SPAG16: variants seen among roughly 807,000 people sequenced by gnomAD.
SPAG16 encodes the protein sperm associated antigen 16.
A neutral mutation model predicts 80.4 loss-of-function variants in SPAG16; 86 were observed. That is an observed-to-expected ratio of 1.07 (90% confidence interval 0.90 to 1.28). The LOEUF is 1.28. Among genes scored for constraint, SPAG16 ranks in the 50% most tolerant of loss-of-function variants. The pLI is 0.00. For missense variants in SPAG16, 870 were observed against 765.3 expected (o/e 1.14, Z -1.61); for synonymous variants, 294 against 265.9 (o/e 1.11, Z -1.03).
chr2:213,335,263 A>G (rs2064296962), intron 5 of SPAG16, among the ~76,000 whole-genome samples: 2 of 152,200 alleles, frequency 1.3e-5, no homozygotes, highest in South Asian at 4.1e-4. Context: ...AACTTGAGAA[A>G]ATTACATCCC....
At chr2:214,138,900 T>C (rs990981393) in intron 14 of SPAG16, among the ~76,000 whole-genome samples, 1 of 152,060 alleles carries the variant, frequency 6.6e-6, no homozygotes, top group Non-Finnish European at 1.5e-5. Context: ...CCAGCTACAG[T>C]GTAGGAAATG....
At chr2:214,145,128 A>G (rs1436820868) in intron 14 of SPAG16, among the ~76,000 whole-genome samples, 3 of 152,058 alleles carry the variant, frequency 2.0e-5, no homozygotes, top group African/African-American at 7.2e-5. Context: ...ATTTATTTAA[A>G]TTATTAATGA....
intron 3 of SPAG16, among the ~76,000 whole-genome samples, chr2:213,309,771 C>G (rs2063106692): frequency 6.6e-6 from 1 of 152,086 alleles, no homozygotes; most frequent in African/African-American, 2.4e-5. Flanking sequence ...CCTCTACTTT[C>G]TCCCCACCCC....
At chr2:214,144,227 T>G (rs2055514549) in intron 14 of SPAG16, among the ~76,000 whole-genome samples, 1 of 152,178 alleles carries the variant, frequency 6.6e-6, no homozygotes, top group Admixed American at 6.6e-5. Context: ...GGCAATGATA[T>G]TTGAATAATA....
In SPAG16 at chr2:213,421,902, C is replaced by T. The variant is rs78298037; in HGVS notation, c.942+46783C>T. Among the ~76,000 whole-genome samples, 237 of 152,230 alleles carry T rather than the reference C, an allele frequency of 1.6e-3. 1 individual carries two copies. The highest frequency in any genetic ancestry group is 5.2e-3 in the African/African-American group (217 of 41,560). ...TCTCCTCTCTGTGGAGGGCTGGAAA[C>T]GCATTGGGCTGACGTGCCTGCAGAA... is the stretch of plus-strand genomic sequence containing the variant. On this transcript the variant is annotated intron_variant, in intron 9 of 15. Coordinates refer to ENST00000331683, the MANE Select transcript of SPAG16 (RefSeq NM_024532.5).
chr2:213,577,733 T>G (rs1261921986), intron 10 of SPAG16, among the ~76,000 whole-genome samples: 1 of 152,146 alleles, frequency 6.6e-6, no homozygotes, highest in African/African-American at 2.4e-5. Context: ...AAACAGTAAC[T>G]CATTCAAAGT....
chr2:213,818,529 T>C (rs187245388), intron 10 of SPAG16, among the ~76,000 whole-genome samples: 1 of 152,326 alleles, frequency 6.6e-6, no homozygotes, highest in Non-Finnish European at 1.5e-5. Flanking sequence ...CATGTATATA[T>C]GAATAAACTT....
At chr2:214,402,265 CAGT>C (rs1237142900) in intron 15 of SPAG16, among the ~76,000 whole-genome samples, 3 of 151,980 alleles carry the variant, frequency 2.0e-5, no homozygotes, top group Non-Finnish European at 4.4e-5. Flanking sequence ...GTGCCTCAAC[CAGT>C]ATCTTCTTCA....
chr2:213,910,901 T>G (rs1245749353), intron 11 of SPAG16, among the ~76,000 whole-genome samples: 1 of 152,184 alleles, frequency 6.6e-6, no homozygotes, highest in African/African-American at 2.4e-5. Flanking sequence ...ATGTAAATAT[T>G]AAATAAACTG....
At chr2:213,928,248 C>A (rs1233202742) in intron 11 of SPAG16, among the ~76,000 whole-genome samples, 1 of 140,632 alleles carries the variant, frequency 7.1e-6, no homozygotes, top group Non-Finnish European at 1.6e-5. Context: ...CCATGCCTGG[C>A]TAATTTTTTT....
chr2:214,402,038 T>G (rs532134522), intron 15 of SPAG16, among the ~76,000 whole-genome samples: 1 of 151,978 alleles, frequency 6.6e-6, no homozygotes, highest in Non-Finnish European at 1.5e-5. Context: ...ACCTGATAAC[T>G]GGTGGCTCAC....
intron 15 of SPAG16, among the ~76,000 whole-genome samples, chr2:214,219,118 C>A (rs2058501431): frequency 1.3e-5 from 2 of 152,054 alleles, no homozygotes; most frequent in South Asian, 2.1e-4. Context: ...AACTTTATTG[C>A]CTTTTATGAA....
At chr2:213,828,264 C>G (rs1402277454) in intron 10 of SPAG16, among the ~76,000 whole-genome samples, 1 of 152,058 alleles carries the variant, frequency 6.6e-6, no homozygotes, top group Non-Finnish European at 1.5e-5. Flanking sequence ...TGTCTTTAGG[C>G]TCACTAATGC....
At chr2:213,453,681 T>C (rs763344411) in intron 9 of SPAG16, among the ~76,000 whole-genome samples, 1 of 152,146 alleles carries the variant, frequency 6.6e-6, no homozygotes, top group Non-Finnish European at 1.5e-5. Flanking sequence ...GTTTCTGTAC[T>C]TGAGGGACCC....
intron 10 of SPAG16, among the ~76,000 whole-genome samples, chr2:213,665,719 A>T (rs1296835923): frequency 6.6e-6 from 1 of 152,178 alleles, no homozygotes; most frequent in Non-Finnish European, 1.5e-5. Flanking sequence ...CATATTTTTT[A>T]AATTAATTAA....
chr2:213,741,453 A>G (rs921656413), intron 10 of SPAG16, among the ~76,000 whole-genome samples: 1 of 152,156 alleles, frequency 6.6e-6, no homozygotes, highest in Non-Finnish European at 1.5e-5. Flanking sequence ...ATAATTGTAA[A>G]TGAGTTAACC....
chr2:213,934,797 A>T (rs2106264547), intron 12 of SPAG16, among the ~76,000 whole-genome samples: 1 of 152,292 alleles, frequency 6.6e-6, no homozygotes, highest in East Asian at 1.9e-4. Flanking sequence ...TAATCTTAGA[A>T]GCCTATTATT....
intron 13 of SPAG16, among the ~76,000 whole-genome samples, chr2:214,078,976 C>T (rs917993355): frequency 6.6e-6 from 1 of 152,046 alleles, no homozygotes; most frequent in African/African-American, 2.4e-5. Flanking sequence ...CAGCAACAAC[C>T]AACGAGAAGC....
chr2:213,822,136 T>C (rs1454864477), intron 10 of SPAG16, among the ~76,000 whole-genome samples: 4 of 152,214 alleles, frequency 2.6e-5, no homozygotes, highest in Non-Finnish European at 4.4e-5. Flanking sequence ...CTGTTCTCCA[T>C]AGTGGTTGTA....
Sources: gnomAD v4.1 joint callset for allele counts (sites outside exome capture counted in the v4.1 genomes callset) on GRCh38, gnomAD v4.1.1 for gene constraint, MANE v1.5 for transcripts, NCBI Gene and HGNC (gene_info 2026-07-23, HGNC 2026-07-21) for gene names.